The following TRPC5 variants were observed in gnomAD, a reference collection of about 807,000 sequenced individuals.
The protein encoded by TRPC5 is transient receptor potential cation channel subfamily C member 5, also known as short transient receptor potential channel 5.
In TRPC5, 9 loss-of-function variants were observed where a neutral mutation model predicts 56.5. The ratio of observed to expected loss-of-function variants is 0.16; its 90% CI spans 0.10 to 0.28. The LOEUF (loss-of-function observed/expected upper bound fraction) is 0.28. TRPC5 is among the 10% of genes least tolerant of loss of function. TRPC5 has a pLI of 1.00. For synonymous variants in TRPC5, 282 were observed against 278.5 expected (o/e 1.01, Z -0.13); for missense variants, 469 against 748.9 (o/e 0.63, Z 4.36).
intron 1 of TRPC5, among the ~76,000 whole-genome samples, chrX:112,022,428 T>C (rs1484876634): frequency 8.9e-6 from 1 of 111,946 alleles, no homozygotes; most frequent in Non-Finnish European, 1.9e-5. Flanking sequence ...ATGAGCTTTA[T>C]GAGAGAGGAG....
intron 1 of TRPC5, among the ~76,000 whole-genome samples, chrX:111,963,698 A>G (rs1394205692): frequency 8.9e-6 from 1 of 112,028 alleles, no homozygotes; most frequent in Non-Finnish European, 1.9e-5. Flanking sequence ...ACCGCTGCTG[A>G]TACCCAGGCA....
chrX:111,969,193 A>G (rs762731008), intron 1 of TRPC5, among the ~76,000 whole-genome samples: 1 of 111,167 alleles, frequency 9.0e-6, no homozygotes, highest in Non-Finnish European at 1.9e-5. Context: ...GAAAACTCAG[A>G]TAATCGTTAA....
chrX:111,797,537 T>C (rs1287701850), intron 7 of TRPC5, among the ~76,000 whole-genome samples: 1 of 112,142 alleles, frequency 8.9e-6, no homozygotes, highest in Non-Finnish European at 1.9e-5. Context: ...TTAGATAAAA[T>C]TAGGTACTTA....
chrX:111,819,354 C>T (rs1921962530), intron 7 of TRPC5, among the ~76,000 whole-genome samples: 1 of 111,486 alleles, frequency 9.0e-6, no homozygotes, highest in Admixed American at 9.5e-5. Flanking sequence ...ATTTTGGGAG[C>T]ACCATTCTAG....
At chrX:111,840,017 A>G (rs1922681964) in intron 6 of TRPC5, among the ~76,000 whole-genome samples, 1 of 111,659 alleles carries the variant, frequency 9.0e-6, no homozygotes, top group Non-Finnish European at 1.9e-5. Context: ...AAAAATACAA[A>G]AAATTAGCCG....
At chrX:111,990,901 T>C (rs1219831592) in intron 1 of TRPC5, among the ~76,000 whole-genome samples, 1 of 112,518 alleles carries the variant, frequency 8.9e-6, no homozygotes. Context: ...TACTTTTCTT[T>C]TATGCTAACT....
intron 1 of TRPC5, among the ~76,000 whole-genome samples, chrX:111,978,668 T>C (rs1338384870): frequency 9.0e-6 from 1 of 111,050 alleles, no homozygotes; most frequent in South Asian, 3.8e-4. Flanking sequence ...AGTTATAATA[T>C]ACAACATGGT....
At chrX:111,937,164 G>T (rs1416182369) in intron 2 of TRPC5, among the ~76,000 whole-genome samples, 1 of 106,192 alleles carries the variant, frequency 9.4e-6, no homozygotes, top group Non-Finnish European at 1.9e-5. Flanking sequence ...GTCTGTTCAT[G>T]TCCTTCGCCC....
chrX:111,974,904 A>G (rs1400018833), intron 1 of TRPC5, among the ~76,000 whole-genome samples: 1 of 112,089 alleles, frequency 8.9e-6, no homozygotes, highest in Non-Finnish European at 1.9e-5. Flanking sequence ...TGAGGAAATA[A>G]TACTAGTTGG....
chrX:111,950,300 G>A (rs953080731), intron 2 of TRPC5, among the ~76,000 whole-genome samples: 1 of 108,996 alleles, frequency 9.2e-6, no homozygotes, highest in African/African-American at 3.4e-5. Flanking sequence ...ACTCCAGCCT[G>A]GGTGACAGAG....
In TRPC5 at chrX:111,959,502, C is replaced by T. The variant is rs191777857; in HGVS notation, c.-21-7061G>A. Among the ~76,000 whole-genome samples, 53 of 111,222 alleles carry T rather than the reference C, an allele frequency of 4.8e-4. No homozygotes were observed. In the East Asian group the frequency reaches 0.014, roughly 30 times the overall value. The stretch of plus-strand genomic sequence containing the variant: ...AGGTATTAATGAAGGAATTGAAGAA[C>T]AAAAAATATATGACATATAGAAAAC... On this transcript the variant is annotated intron_variant, in intron 1 of 10. Coordinates refer to ENST00000262839, the MANE Select transcript of TRPC5 (RefSeq NM_012471.3).
intron 5 of TRPC5, among the ~76,000 whole-genome samples, chrX:111,849,888 T>C (rs1380394176): frequency 1.8e-5 from 2 of 112,102 alleles, no homozygotes; most frequent in African/African-American, 6.5e-5. Flanking sequence ...CTCCTGACTC[T>C]TGAGTTAGTT....
intron 1 of TRPC5, among the ~76,000 whole-genome samples, chrX:111,994,588 G>T (rs1429305555): frequency 9.0e-6 from 1 of 111,378 alleles, no homozygotes; most frequent in Non-Finnish European, 1.9e-5. Context: ...TTGAGCAGTG[G>T]TTTGTAGTTC....
intron 2 of TRPC5, among the ~76,000 whole-genome samples, chrX:111,913,071 A>G (rs918514997): frequency 6.3e-5 from 7 of 111,590 alleles, no homozygotes; most frequent in Non-Finnish European, 1.1e-4. Flanking sequence ...TTCCCATATG[A>G]AGAAGCTGAG....
chrX:111,846,176 G>A (rs1263016316), intron 6 of TRPC5, among the ~76,000 whole-genome samples: 5 of 111,505 alleles, frequency 4.5e-5, no homozygotes, highest in African/African-American at 1.3e-4. Context: ...GGTTTATGGC[G>A]TTATAAGGAA....
In TRPC5 at chrX:111,936,416, C is replaced by G. The variant is rs908653964; in HGVS notation, c.378+15627G>C. 2.8e-5 allele frequency among the ~76,000 whole-genome samples: 3 copies of G among 108,434 alleles called. No individual in the cohort carries two copies. The Admixed American group carries it at 3.0e-4, about 11-fold the overall frequency. 94.2% of individuals were successfully genotyped at this position (108,434 alleles called of 115,157 possible). On this transcript the variant is annotated intron_variant, in intron 2 of 10. Transcript: ENST00000262839. ...TGTGCAGGTTAGTTATATATGTATA[C>G]ATGTGCCATGCTGGTGTGCTGCACC...
intron 3 of TRPC5, among the ~76,000 whole-genome samples, chrX:111,901,206 C>A (rs1569527750): frequency 9.0e-6 from 1 of 111,362 alleles, no homozygotes; most frequent in Non-Finnish European, 1.9e-5. Flanking sequence ...TCAGCAGCAC[C>A]CAGATATAAA....
chrX:111,877,721 T>C, intron 3 of TRPC5, among the ~76,000 whole-genome samples: 1 of 110,736 alleles, frequency 9.0e-6, no homozygotes, highest in East Asian at 2.8e-4. Flanking sequence ...AGAAGGGACA[T>C]AAATGAATGA....
intron 7 of TRPC5, among the ~76,000 whole-genome samples, chrX:111,822,907 T>G (rs1167930546): frequency 5.4e-5 from 6 of 111,410 alleles, no homozygotes; most frequent in Non-Finnish European, 1.1e-4. Context: ...ATGTTCCCGA[T>G]GAACATCCCA....
Sources: allele counts gnomAD v4.1 joint callset (sites outside exome capture counted in the v4.1 genomes callset), GRCh38; gene constraint gnomAD v4.1.1; transcripts MANE v1.5; gene names NCBI Gene and HGNC (gene_info 2026-07-23, HGNC 2026-07-21).